The following MBNL2 variants were observed in gnomAD, a reference collection of about 807,000 sequenced individuals.
The protein encoded by MBNL2 is muscleblind-like protein 2.
Under a neutral mutation model 41.9 loss-of-function variants are expected in MBNL2, and 17 were observed. That is an observed-to-expected ratio of 0.41 (90% CI 0.28 to 0.61). MBNL2 has a LOEUF of 0.61. Ranked by LOEUF, MBNL2 falls within the 20% of genes least tolerant of loss-of-function variation. The pLI, the probability that MBNL2 is intolerant of heterozygous loss-of-function variation, is 0.35. For missense variants in MBNL2, 336 were observed against 505.6 expected (o/e 0.66, Z 3.22); for synonymous variants, 195 against 182.9 (o/e 1.07, Z -0.53).
chr13:97,185,471 G>A, the MBNL2 span, among the ~76,000 whole-genome samples: 1 of 152,168 alleles, frequency 6.6e-6, no homozygotes, highest in Middle Eastern at 3.2e-3. Context: ...GCTGCAGTTA[G>A]GAATCTTGAG....
the MBNL2 span, among the ~76,000 whole-genome samples, chr13:97,160,808 G>C: frequency 3.2e-4 from 49 of 152,242 alleles, no homozygotes; most frequent in East Asian, 9.3e-3. Context: ...TCTGAAGAGG[G>C]ATTTATTTTA....
chr13:97,300,939 C>T (rs17235614), intron 2 of MBNL2, among the ~76,000 whole-genome samples: 5,780 of 152,208 alleles, frequency 0.038, 165 homozygotes, highest in South Asian at 0.11. Context: ...AGTGATGAGA[C>T]GGAATTGTCA....
At chr13:97,316,316 A>G (rs1211140218) in intron 2 of MBNL2, among the ~76,000 whole-genome samples, 2 of 152,176 alleles carry the variant, frequency 1.3e-5, no homozygotes, top group Non-Finnish European at 2.9e-5. Flanking sequence ...GGTGACCACC[A>G]CAGCCTAACT....
At chr13:97,208,668 GCA>G in the MBNL2 span, among the ~76,000 whole-genome samples, 1 of 152,170 alleles carries the variant, frequency 6.6e-6, no homozygotes, top group African/African-American at 2.4e-5. Context: ...AAGAGCCAGG[GCA>G]GAAACACAAA....
intron 8 of MBNL2, among the ~76,000 whole-genome samples, chr13:97,370,899 T>C (rs1039619365): frequency 1.8e-4 from 28 of 152,010 alleles, no homozygotes; most frequent in African/African-American, 4.6e-4. Flanking sequence ...AAAAAATTGG[T>C]TGGGGGGGAA....
At chr13:97,363,495 C>T (rs182966010) in intron 7 of MBNL2, among the ~76,000 whole-genome samples, 385 of 148,278 alleles carry the variant, frequency 2.6e-3, no homozygotes, top group African/African-American at 9.4e-3. Context: ...AAGTGGCTTC[C>T]GATGGAGGGA....
chr13:97,239,546 G>A (rs543466820), intron 1 of MBNL2, among the ~76,000 whole-genome samples: 2 of 152,238 alleles, frequency 1.3e-5, no homozygotes, highest in South Asian at 4.2e-4. Context: ...TTTTCCCCCT[G>A]GGAACATATG....
At chr13:97,225,197 G>A in intron 1 of MBNL2, among the ~76,000 whole-genome samples, 1 of 152,170 alleles carries the variant, frequency 6.6e-6, no homozygotes, top group East Asian at 1.9e-4. Context: ...TTCAAGATCA[G>A]GTACTCAAGA....
At chr13:97,381,057 G>A (rs1453461041) in intron 8 of MBNL2, among the ~76,000 whole-genome samples, 1 of 151,360 alleles carries the variant, frequency 6.6e-6, no homozygotes, top group East Asian at 1.9e-4. Flanking sequence ...AGTGGTTTTT[G>A]TTAACCTCTC....
At chr13:97,305,976 C>T (rs1274355519) in intron 2 of MBNL2, among the ~76,000 whole-genome samples, 2 of 152,250 alleles carry the variant, frequency 1.3e-5, no homozygotes, top group South Asian at 2.1e-4. Flanking sequence ...CAACAGATTC[C>T]GGTGGGCCTT....
At chr13:97,157,696 T>C in the MBNL2 span, among the ~76,000 whole-genome samples, 9 of 149,390 alleles carry the variant, frequency 6.0e-5, no homozygotes, top group African/African-American at 2.0e-4. Flanking sequence ...CTGGATTACA[T>C]TTATTGATTT....
chr13:97,219,098 G>A (rs2040651813), upstream of MBNL2, among the ~76,000 whole-genome samples: 1 of 152,222 alleles, frequency 6.6e-6, no homozygotes, highest in African/African-American at 2.4e-5. Flanking sequence ...CTGGGAGCTT[G>A]TTAGAAAAGC....
intron 8 of MBNL2, among the ~76,000 whole-genome samples, chr13:97,368,534 G>A (rs1417553435): frequency 1.3e-5 from 2 of 152,096 alleles, no homozygotes; most frequent in African/African-American, 2.4e-5. Flanking sequence ...TTTAAGAAAG[G>A]AAAAGAAGCC....
At chr13:97,364,644 A>C (rs2153119549) in intron 7 of MBNL2, among the ~76,000 whole-genome samples, 1 of 152,348 alleles carries the variant, frequency 6.6e-6, no homozygotes, top group Admixed American at 6.5e-5. Flanking sequence ...CGTTTAATGC[A>C]GTAAGTTCAG....
In MBNL2 at chr13:97,356,839, C is replaced by A; in HGVS notation, c.848C>A (p.Thr283Asn). ...AKAMKRPLEA[T>N]VDLAFPPGAL... ...GCAATGAAGCGACCTCTCGAAGCAA[C>A]TGTAGACCTGGTACTTTGACCTTTC... Residue 283 changes from threonine (T) to asparagine (N), a missense_variant, in exon 6 of 9, where the codon ACT becomes AAT. By Grantham distance (65) the Thr-to-Asn change is moderately conservative. Transcript: ENST00000679496. 7.3e-7 allele frequency: 1 copy of A among 1,361,364 alleles called. No individual in the cohort carries two copies. The allele number at this position is 1,361,364 out of a possible 1,614,324, so 84.3% of individuals were successfully genotyped here. A position where few individuals can be genotyped will look rare whatever the true frequency, so the allele number is the denominator to read the frequency against.
chr13:97,380,229 C>T (rs369799256), intron 8 of MBNL2, among the ~76,000 whole-genome samples: 18 of 149,696 alleles, frequency 1.2e-4, no homozygotes, highest in East Asian at 9.6e-4. Context: ...CGCAGTGGCT[C>T]ATGCCTATAA....
At chr13:97,342,443 C>CA (rs889344784) in intron 3 of MBNL2, among the ~76,000 whole-genome samples, 1 of 152,012 alleles carries the variant, frequency 6.6e-6, no homozygotes, top group Non-Finnish European at 1.5e-5. Flanking sequence ...TGAACTACAG[C>CA]AAAAAATCGT....
rs775573753 is a variant in MBNL2 at position 97,391,890 on chromosome 13, C to T, written c.*441C>T. On this transcript the variant is annotated 3_prime_UTR_variant, in exon 9 of 9. Coordinates refer to ENST00000679496, the MANE Select transcript of MBNL2 (RefSeq NM_001382683.1). Reference sequence around the variant, plus strand: ...GCAAAGATGAGAGGTGAAGTAAAACCGATACCTGTCCTGCAGGTCTAAAAT... The same window carrying T: ...GCAAAGATGAGAGGTGAAGTAAAACTGATACCTGTCCTGCAGGTCTAAAAT... 7 of 158,644 alleles carry T rather than the reference C, an allele frequency of 4.4e-5. No individual in the cohort carries two copies. The highest frequency in any genetic ancestry group is 6.9e-5 in the Non-Finnish European group (5 of 72,600). The allele number at this position is 158,644 out of a possible 1,614,324, so 9.8% of individuals were successfully genotyped here. A position where few individuals can be genotyped will look rare whatever the true frequency, so the allele number is the denominator to read the frequency against.
At chr13:97,257,934 G>A (rs147480885) in intron 1 of MBNL2, among the ~76,000 whole-genome samples, 1 of 152,314 alleles carries the variant, frequency 6.6e-6, no homozygotes, top group African/African-American at 2.4e-5. Context: ...ACTCCTCAAA[G>A]TGGTGGCCTG....
Sources: allele counts gnomAD v4.1 joint callset (sites outside exome capture counted in the v4.1 genomes callset), GRCh38; gene constraint gnomAD v4.1.1; transcripts MANE v1.5; gene names NCBI Gene and HGNC (gene_info 2026-07-23, HGNC 2026-07-21).